Variants in FAM241A observed in about 807,000 individuals in gnomAD.
FAM241A encodes uncharacterized protein FAM241A.
Under a neutral mutation model 12.2 loss-of-function variants are expected in FAM241A, and 7 were observed. That is an observed-to-expected ratio of 0.58 (90% CI 0.33 to 1.08). FAM241A has a LOEUF of 1.08. FAM241A is among the 50% of genes least tolerant of loss of function. FAM241A has a pLI of 0.04. For missense variants in FAM241A, 161 were observed against 169.7 expected (o/e 0.95, Z 0.29); for synonymous variants, 74 against 68.2 (o/e 1.08, Z -0.42).
At chr4:112,168,018 T>C (rs890090866) in intron 1 of FAM241A, among the ~76,000 whole-genome samples, 1 of 152,368 alleles carries the variant, frequency 6.6e-6, no homozygotes, top group Admixed American at 6.5e-5. Context: ...ACAGCACATC[T>C]TGCATAAAAT....
chr4:112,169,538 A>C (rs1165317250), intron 1 of FAM241A, among the ~76,000 whole-genome samples: 1 of 152,248 alleles, frequency 6.6e-6, no homozygotes, highest in African/African-American at 2.4e-5. Context: ...AACAATCCTC[A>C]GGAATTGGAT....
At chr4:112,166,348 T>C (rs1375447294) in intron 1 of FAM241A, among the ~76,000 whole-genome samples, 2 of 152,050 alleles carry the variant, frequency 1.3e-5, no homozygotes, top group African/African-American at 2.4e-5. Context: ...GGGAAAATTT[T>C]TTTAAATGTT....
chr4:112,150,030 A>T (rs879673215), intron 1 of FAM241A, among the ~76,000 whole-genome samples: 12 of 151,732 alleles, frequency 7.9e-5, no homozygotes, highest in Non-Finnish European at 1.5e-4. Context: ...ATATTAAGAA[A>T]TTTTTTCTAA....
At position 112,189,567 on chromosome 4, in the gene FAM241A, C is replaced by G. The variant is rs576142092; in HGVS notation, c.*2629C>G. 6.6e-6 allele frequency: 1 copy of G among 152,206 alleles called. No individual in the cohort carries two copies. Among genetic ancestry groups the G allele is most frequent in the African/African-American group, 2.4e-5 (1 of 41,520 alleles). 9.4% of individuals were successfully genotyped at this position (152,206 alleles called of 1,614,324 possible). A position where few individuals can be genotyped will look rare whatever the true frequency, so the allele number is the denominator to read the frequency against. ...AGGTCGAAGTCTACAAATAAACAGA[C>G]TGTAGATGAGTAAATCCATTTTTCT... On this transcript the variant is annotated 3_prime_UTR_variant, in exon 2 of 2. Transcript: ENST00000309733.
At chr4:112,163,908 T>C (rs987904846) in intron 1 of FAM241A, among the ~76,000 whole-genome samples, 1 of 152,240 alleles carries the variant, frequency 6.6e-6, no homozygotes, top group African/African-American at 2.4e-5. Flanking sequence ...ATGTGGCACA[T>C]GTACACCATG....
rs542269288 is a variant in FAM241A at position 112,189,370 on chromosome 4, C to CAA, written c.*2456_*2457dup. ...TGGGTAACAGAGTGAGACCCCATCT[C>CAA]AAAAAAAAAAAAAAAAAAAAAAAAA... is the stretch of plus-strand genomic sequence containing the variant. On this transcript the variant is annotated 3_prime_UTR_variant, in exon 2 of 2. Coordinates refer to ENST00000309733, the MANE Select transcript of FAM241A (RefSeq NM_152400.3). 1.8e-3 allele frequency: 140 copies of CAA among 78,234 alleles called. 1 individual carries two copies. The highest frequency in any genetic ancestry group is 4.5e-3 in the East Asian group (13 of 2,882). 4.8% of individuals were successfully genotyped at this position (78,234 alleles called of 1,614,324 possible).
intron 1 of FAM241A, among the ~76,000 whole-genome samples, chr4:112,164,585 C>A (rs1398771329): frequency 1.3e-5 from 2 of 151,648 alleles, no homozygotes; most frequent in Non-Finnish European, 2.9e-5. Flanking sequence ...TACCCTAGAA[C>A]TTAAAGTATA....
At chr4:112,150,815 G>T (rs75852036) in intron 1 of FAM241A, among the ~76,000 whole-genome samples, 13,697 of 152,196 alleles carry the variant, frequency 0.09, 756 homozygotes, top group African/African-American at 0.14. Context: ...GGGAATAATT[G>T]TAACAACTTC....
intron 1 of FAM241A, among the ~76,000 whole-genome samples, chr4:112,166,240 T>G (rs1195584028): frequency 6.6e-6 from 1 of 151,736 alleles, no homozygotes; most frequent in East Asian, 1.9e-4. Flanking sequence ...TTTTTTTTAG[T>G]AGAGACGGGG....
chr4:112,146,154 C>G (rs1358560509), intron 1 of FAM241A, among the ~76,000 whole-genome samples: 1 of 152,190 alleles, frequency 6.6e-6, no homozygotes, highest in Non-Finnish European at 1.5e-5. Context: ...CTCCCGCCCT[C>G]CATCTTGCGT....
intron 1 of FAM241A, among the ~76,000 whole-genome samples, chr4:112,166,194 G>GC (rs1316606933): frequency 3.3e-5 from 5 of 151,114 alleles, no homozygotes; most frequent in South Asian, 2.1e-4. Flanking sequence ...GACTACAGGT[G>GC]CCCCCCACCA....
intron 1 of FAM241A, among the ~76,000 whole-genome samples, chr4:112,150,219 C>A (rs1723220706): frequency 6.6e-6 from 1 of 151,768 alleles, no homozygotes; most frequent in Non-Finnish European, 1.5e-5. Flanking sequence ...GCTTTATAAT[C>A]TTTTATAGTA....
intron 1 of FAM241A, among the ~76,000 whole-genome samples, chr4:112,182,041 T>C (rs1478011701): frequency 6.6e-6 from 1 of 152,106 alleles, no homozygotes; most frequent in Non-Finnish European, 1.5e-5. Context: ...TAGCAGTAGA[T>C]GGAATAGTAT....
chr4:112,153,782 C>A (rs372816670), intron 1 of FAM241A, among the ~76,000 whole-genome samples: 1 of 151,998 alleles, frequency 6.6e-6, no homozygotes, highest in African/African-American at 2.4e-5. Context: ...TATCAGAGTT[C>A]TAATCAAAAG....
rs114226691 is a variant in FAM241A at position 112,177,729 on chromosome 4, A to G, written c.154-8964A>G. Among the ~76,000 whole-genome samples the G allele has an allele frequency of 3.4e-3, 514 of 152,292 alleles. 3 individuals are homozygous for G. Among genetic ancestry groups the G allele is most frequent in the African/African-American group, 0.012 (482 of 41,576 alleles). On this transcript the variant is annotated intron_variant, in intron 1 of 1. Transcript: ENST00000309733. ...ATCTTGAGAGAGAATCAGACCCCCA[A>G]GAGCTCATCTGTACGTATTAGTGTC...
chr4:112,182,832 C>T lies in FAM241A; in HGVS notation c.154-3861C>T, dbSNP rs542026648. Among the ~76,000 whole-genome samples, 4 of 152,284 alleles carry T rather than the reference C, an allele frequency of 2.6e-5. No individual in the cohort carries two copies. In the South Asian group the frequency reaches 8.3e-4, roughly 32 times the overall value. On this transcript the variant is annotated intron_variant, in intron 1 of 1. Transcript: ENST00000309733. ...GCCCATTGTTAAACATTTACCAACA[C>T]ACCAGTCTTTGTATCCTTTAGAACT...
Position 112,183,128 on chromosome 4 carries a change from A to AT in FAM241A, c.154-3556dup, listed in dbSNP as rs1231981388. 7.3e-5 allele frequency among the ~76,000 whole-genome samples: 11 copies of AT among 151,362 alleles called. No homozygotes were observed. The East Asian group carries it at 7.7e-4, about 11-fold the overall frequency. On this transcript the variant is annotated intron_variant, in intron 1 of 1. Coordinates refer to ENST00000309733, the MANE Select transcript of FAM241A (RefSeq NM_152400.3). ...GTTACTTTTAGGCATTAGCCTAGTG[A>AT]TTTTTTTTTAAACTTTTTTCTTCTT...
At chr4:112,155,389 A>T (rs1723331102) in intron 1 of FAM241A, among the ~76,000 whole-genome samples, 1 of 152,022 alleles carries the variant, frequency 6.6e-6, no homozygotes, top group African/African-American at 2.4e-5. Context: ...TGATATTCTC[A>T]TTGTTTTTAT....
intron 1 of FAM241A, among the ~76,000 whole-genome samples, chr4:112,159,188 C>T (rs1191055989): frequency 6.6e-6 from 1 of 152,128 alleles, no homozygotes; most frequent in Non-Finnish European, 1.5e-5. Flanking sequence ...TGGCTGTGCC[C>T]CTCGGTTTGC....
Sources: allele counts gnomAD v4.1 joint callset (sites outside exome capture counted in the v4.1 genomes callset), GRCh38; gene constraint gnomAD v4.1.1; transcripts MANE v1.5; gene names NCBI Gene and HGNC (gene_info 2026-07-23, HGNC 2026-07-21).